The following TP73 variants were observed in gnomAD, a reference collection of about 807,000 sequenced individuals.
TP73 encodes the protein p53-like transcription factor.
Under a neutral mutation model 62.5 loss-of-function variants are expected in TP73, and 25 were observed. The ratio of observed to expected loss-of-function variants is 0.40; its 90% CI spans 0.29 to 0.56. TP73 has a LOEUF of 0.56. TP73 is among the 20% of genes least tolerant of loss of function. The probability of loss-of-function intolerance (pLI) is 0.46; values close to 1 mark genes in which losing one functional copy is unlikely to be tolerated. For missense variants in TP73, 754 were observed against 913.3 expected, an observed-to-expected ratio of 0.83 and a Z score of 2.25; for synonymous variants, 423 against 377.5, an observed-to-expected ratio of 1.12 and a Z score of -1.40.
At position 3,722,330 on chromosome 1, in the gene TP73, G is replaced by A. The variant is rs140807582; in HGVS notation, c.616+123G>A. 1,876 of 1,247,038 alleles carry A rather than the reference G, an allele frequency of 1.5e-3. 21 individuals are homozygous for A. In the African/African-American group the frequency reaches 0.022, roughly 15 times the overall value. The allele number at this position is 1,247,038 out of a possible 1,614,324, so 77.2% of individuals were successfully genotyped here. A position where few individuals can be genotyped will look rare whatever the true frequency, so the allele number is the denominator to read the frequency against. ...AGCATGGGCTTAGCCATTCCCCTGC[G>A]GAGGGCTTTCAGTGCCTCCACCAGC... is the stretch of plus-strand genomic sequence containing the variant. On this transcript the variant is annotated intron_variant, in intron 5 of 13. Transcript: ENST00000378295.
rs888004066 is a variant in TP73, at chr1:3,696,668, A to G, written c.187-10881A>G. ...GCTGCTGAGTTCCCACGGTTTGGAG[A>G]GGGCAGGGCCCAACTGGGAATGGCT... is the stretch of plus-strand genomic sequence containing the variant. On this transcript the variant is annotated intron_variant, in intron 3 of 13. Transcript: ENST00000378295. The surrounding 1 kb of genome is among the most constrained non-coding windows in gnomAD (Gnocchi z 4.1). 6.6e-6 allele frequency among the ~76,000 whole-genome samples: 1 copy of G among 152,004 alleles called. No homozygotes were observed. The highest frequency in any genetic ancestry group is 2.4e-5 in the African/African-American group (1 of 41,368).
Position 3,732,754 on chromosome 1 carries a change from G to T in TP73, c.1586G>T (p.Gly529Val). ...HLQNLTIEDL[G>V]ALKIPEQYRM... ...TGCGCCGGCCTCTCGCAGGACCTGG[G>T]GGCCCTGAAGATCCCCGAGCAGTAC... The change falls in exon 14 of 14, where the codon GGG (glycine) becomes GTG (valine). Residue 529 changes from glycine (G) to valine (V), a missense_variant. Gly to Val is a moderately radical substitution (Grantham distance 109). Around this residue, in one of 3 missense-constraint regions of TP73, gnomAD observed 458 missense variants for 528.7 expected, o/e 0.87. Coordinates refer to ENST00000378295, the MANE Select transcript of TP73 (RefSeq NM_005427.4). The T allele has an allele frequency of 6.4e-7, 1 of 1,571,066 alleles. No individual in the cohort carries two copies. Among genetic ancestry groups the T allele is most frequent in the Non-Finnish European group, 8.7e-7 (1 of 1,155,274 alleles).
intron 2 of TP73, 106 bp from the exon 3 acceptor site, chr1:3,682,954 G>A: frequency 1.4e-6 from 2 of 1,442,734 alleles, no homozygotes; most frequent in South Asian, 1.4e-5. Context: ...AGGAGACGTA[G>A]GCCTCACCAG....
intron 3 of TP73, among the ~76,000 whole-genome samples, chr1:3,700,491 T>TTA (rs1639068020): frequency 1.3e-5 from 2 of 152,060 alleles, no homozygotes; most frequent in Admixed American, 6.5e-5. Context: ...TGAAAAAGAT[T>TTA]TATTTCCCAT....
intron 1 of TP73, among the ~76,000 whole-genome samples, chr1:3,680,910 A>T (rs1281158108): frequency 6.6e-6 from 1 of 152,234 alleles, no homozygotes; most frequent in East Asian, 1.9e-4. Context: ...TTCTAATTCT[A>T]AGAGCCCCTG....
At chr1:3,690,987 G>C in intron 3 of TP73, 6 of 1,559,880 alleles carry the variant, frequency 3.8e-6, no homozygotes, top group Non-Finnish European at 5.2e-6. Flanking sequence ...CGGGGACTTT[G>C]CGGGGGATTT....
rs1385443667 is a variant in TP73, at chr1:3,673,762, G to C, written c.-33-8571G>C. Among the ~76,000 whole-genome samples, 3 of 152,358 alleles carry C rather than the reference G, an allele frequency of 2.0e-5. No individual in the cohort carries two copies. In the East Asian group the frequency reaches 5.8e-4, roughly 29 times the overall value. On this transcript the variant is annotated intron_variant, in intron 1 of 13. Transcript: ENST00000378295. ...GGGCAGGCAGCAGAGGACAAGGCGG[G>C]CCTCTTGGATGTCTGGATGTGGATT...
rs185591626 is a variant in TP73, at chr1:3,725,197, C to T, written c.732+1728C>T. Among the ~76,000 whole-genome samples the T allele has an allele frequency of 6.9e-3, 1,046 of 152,182 alleles. 9 individuals carry two copies. Among genetic ancestry groups the T allele is most frequent in the African/African-American group, 0.024 (990 of 41,502 alleles). Reference sequence around the variant, plus strand: ...AAAATCTGTGCAGGCACACTCACACCCAGCATCTGGGCTTGACCTCCAGCC... The same window carrying T: ...AAAATCTGTGCAGGCACACTCACACTCAGCATCTGGGCTTGACCTCCAGCC... On this transcript the variant is annotated intron_variant, in intron 6 of 13. Coordinates refer to ENST00000378295, the MANE Select transcript of TP73 (RefSeq NM_005427.4).
At chr1:3,660,296 C>T (rs139394411) in intron 1 of TP73, among the ~76,000 whole-genome samples, 81 of 152,322 alleles carry the variant, frequency 5.3e-4, no homozygotes, top group African/African-American at 1.8e-3. Flanking sequence ...GCTGCAGAAG[C>T]CCTTTAATCC....
chr1:3,675,524 C>T (rs936110590), intron 1 of TP73, among the ~76,000 whole-genome samples: 1 of 152,120 alleles, frequency 6.6e-6, no homozygotes, highest in African/African-American at 2.4e-5. Context: ...GGAGGACACC[C>T]TGCACCCCTC....
chr1:3,689,500 C>A (rs1324949541), intron 3 of TP73, among the ~76,000 whole-genome samples: 1 of 152,036 alleles, frequency 6.6e-6, no homozygotes, highest in Non-Finnish European at 1.5e-5. Flanking sequence ...CTCAGCCCGG[C>A]CTGCTGGTGG....
intron 3 of TP73, among the ~76,000 whole-genome samples, chr1:3,691,483 G>C (rs1201943710): frequency 1.3e-5 from 2 of 152,126 alleles, no homozygotes; most frequent in Non-Finnish European, 2.9e-5. Context: ...CTGAGCTCCA[G>C]GGCCAGGACC....
At position 3,683,191 on chromosome 1, in the gene TP73, G is replaced by C. The variant is rs201553822; in HGVS notation, c.186+11G>C. 174 of 1,598,008 alleles carry C rather than the reference G, an allele frequency of 1.1e-4. No homozygotes were observed. The highest frequency in any genetic ancestry group is 3.1e-5 in the Non-Finnish European group (36 of 1,167,698). On this transcript the variant is annotated intron_variant, in intron 3 of 13. Coordinates refer to ENST00000378295, the MANE Select transcript of TP73 (RefSeq NM_005427.4). ...ACTACATCTGTCATGGTGAGTGGGG[G>C]GGCTGCCCTCTGCAAGAGGACTGGA... is the stretch of plus-strand genomic sequence containing the variant.
At chr1:3,674,579 T>C (rs3819954) in intron 1 of TP73, among the ~76,000 whole-genome samples, 71,790 of 152,178 alleles carry the variant, frequency 0.47, 17,080 homozygotes, top group South Asian at 0.56. Context: ...GGCCCCATCG[T>C]ACCCACAGAG....
chr1:3,694,875 C>T (rs1638476281), intron 3 of TP73, among the ~76,000 whole-genome samples: 1 of 144,970 alleles, frequency 6.9e-6, no homozygotes, highest in Non-Finnish European at 1.5e-5. Flanking sequence ...GCCTCAGCCC[C>T]TCCTCCTGCA....
At chr1:3,713,498 G>T (rs531653537) in intron 4 of TP73, among the ~76,000 whole-genome samples, 2 of 152,202 alleles carry the variant, frequency 1.3e-5, no homozygotes, top group Non-Finnish European at 2.9e-5. Flanking sequence ...GGGGCAAGGT[G>T]GGGGGCTCAG....
At position 3,678,642 on chromosome 1, in the gene TP73, C is replaced by T. The variant is rs368148030; in HGVS notation, c.-33-3691C>T. ...TCCTGGTTTTGGCTAATGAGGAACC[C>T]GATTCCCATGGGGGAGGCCGGTGGC... is the stretch of plus-strand genomic sequence containing the variant. On this transcript the variant is annotated intron_variant, in intron 1 of 13. Transcript: ENST00000378295. Among the ~76,000 whole-genome samples the T allele has an allele frequency of 5.6e-4, 85 of 152,340 alleles. 3 individuals carry two copies. Among genetic ancestry groups the T allele is most frequent in the Admixed American group, 3.8e-3 (58 of 15,304 alleles).
intron 8 of TP73, 22 bp downstream of exon 8, chr1:3,727,792 C>A: frequency 6.6e-7 from 1 of 1,513,186 alleles, no homozygotes; most frequent in Non-Finnish European, 8.9e-7. Context: ...GCCAGGGGAA[C>A]TGGACGCGTG....
chr1:3,653,134 C>A (rs774158460), intron 1 of TP73, among the ~76,000 whole-genome samples: 9 of 152,236 alleles, frequency 5.9e-5, no homozygotes, highest in Admixed American at 2.0e-4. Context: ...GCCAGGCCCC[C>A]CTCTGGACAG....
Sources: allele counts gnomAD v4.1 joint callset (sites outside exome capture counted in the v4.1 genomes callset), GRCh38; gene constraint gnomAD v4.1.1; regional missense constraint gnomAD v4.1.1; non-coding constraint Gnocchi (gnomAD v3.1); transcripts MANE v1.5; gene names NCBI Gene and HGNC (gene_info 2026-07-23, HGNC 2026-07-21).